The following SYTL1 variants were observed in gnomAD, a reference collection of about 807,000 sequenced individuals.
The protein encoded by SYTL1 is synaptotagmin-like protein 1.
In SYTL1, 53 loss-of-function variants were observed where a neutral mutation model predicts 74.6. The ratio of observed to expected loss-of-function variants is 0.71; its 90% CI spans 0.57 to 0.89. SYTL1 has a LOEUF of 0.89. Among genes scored for constraint, SYTL1 ranks in the 40% least tolerant of loss-of-function variants. The pLI is 0.00. For missense variants in SYTL1, 728 were observed against 768.7 expected (o/e 0.95, Z 0.63); for synonymous variants, 329 against 324.9 (o/e 1.01, Z -0.14).
In SYTL1 at chr1:27,345,439, C is replaced by T. The variant is rs367866959; in HGVS notation, c.105C>T (p.Ser35=). 2.0e-4 allele frequency: 307 copies of T among 1,562,962 alleles called. No individual in the cohort carries two copies. Among genetic ancestry groups the T allele is most frequent in the Non-Finnish European group, 2.6e-4 (294 of 1,152,762 alleles). ...AGACTGAAGGACTGTTGGACCTCAGCTTCCTGACAGAGGAGGAGCAGGAGG... is the reference window on the plus strand; with the variant it reads ...AGACTGAAGGACTGTTGGACCTCAGTTTCCTGACAGAGGAGGAGCAGGAGG... ...KPETEGLLDL[S]FLTEEEQEAI... The change falls in exon 2 of 15, where the codon AGC becomes AGT. Residue 35 remains serine, a synonymous_variant. Transcript: ENST00000616558. This position sits in a 1 kb window ranked among gnomAD's most constrained non-coding sequence, Gnocchi z 6.0.
intron 2 of SYTL1, among the ~76,000 whole-genome samples, chr1:27,346,217 G>A (rs1571031935): frequency 6.6e-6 from 1 of 152,038 alleles, no homozygotes; most frequent in Non-Finnish European, 1.5e-5. Context: ...CCATAACTCC[G>A]ACCCGACACA....
At chr1:27,353,245 G>A in intron 13 of SYTL1, 38 bp from the exon 14 acceptor site, 1 of 1,553,452 alleles carries the variant, frequency 6.4e-7, no homozygotes, top group Non-Finnish European at 8.7e-7. Context: ...TAGGGAGTGT[G>A]AGGGGGGTCA....
rs779779715 is a variant in SYTL1 at position 27,350,841 on chromosome 1, T to G, written c.1053T>G (p.Ser351=). 1.2e-6 allele frequency: 2 copies of G among 1,613,844 alleles called. No homozygotes were observed. The highest frequency in any genetic ancestry group is 1.7e-6 in the Non-Finnish European group (2 of 1,180,014). The stretch of plus-strand genomic sequence containing the variant: ...TTCAGGGCCGCGTGCTGAGCCTGTC[T>G]GTGTGGCACCGCGAAAGCCTGGGTC... The part of the protein sequence containing the change: ...AELQGRVLSL[S]VWHRESLGRN... The change falls in exon 11 of 15, where the codon TCT becomes TCG. Residue 351 remains serine, a synonymous_variant. Coordinates refer to ENST00000616558, the MANE Select transcript of SYTL1 (RefSeq NM_001193308.2). The surrounding 1 kb of genome is among the most constrained non-coding windows in gnomAD (Gnocchi z 6.3).
intron 1 of SYTL1, among the ~76,000 whole-genome samples, chr1:27,344,385 G>A (rs1444409085): frequency 6.6e-6 from 1 of 151,984 alleles, no homozygotes; most frequent in African/African-American, 2.4e-5. Flanking sequence ...TTACAGGGGT[G>A]AGCCACTGTA....
intron 13 of SYTL1, 125 bp from the exon 14 acceptor site, chr1:27,353,158 A>G (rs781628282): frequency 7.1e-6 from 7 of 982,668 alleles, no homozygotes; most frequent in Non-Finnish European, 1.1e-5. Flanking sequence ...GTGAGGGTCT[A>G]AGGCCAGGCA....
chr1:27,353,165 G>A, intron 13 of SYTL1, 118 bp from the exon 14 acceptor site: 1 of 1,055,912 alleles, frequency 9.5e-7, no homozygotes, highest in Middle Eastern at 2.4e-4. Context: ...TCTAAGGCCA[G>A]GCAGGCAGGA....
Position 27,351,444 on chromosome 1 carries a change from G to T in SYTL1, c.1244-12G>T, listed in dbSNP as rs1309263999. On this transcript the variant is annotated splice_polypyrimidine_tract_variant and intron_variant, in intron 12 of 14. Transcript: ENST00000616558. The surrounding 1 kb of genome is among the most constrained non-coding windows in gnomAD (Gnocchi z 5.0). ...CCATCCGTGTGCGGGCCTGAGCCGA[G>T]CCTCTCCGCAGGCGCAGGACTGCCC... 6.6e-7 allele frequency: 1 copy of T among 1,517,720 alleles called. No homozygotes were observed. The highest frequency in any genetic ancestry group is 1.4e-5 in the African/African-American group (1 of 72,198). 94.0% of individuals were successfully genotyped at this position (1,517,720 alleles called of 1,614,324 possible). A position where few individuals can be genotyped will look rare whatever the true frequency, so the allele number is the denominator to read the frequency against.
At chr1:27,349,855 C>A (rs1164258139) in intron 8 of SYTL1, 90 bp downstream of exon 8, 2 of 1,534,260 alleles carry the variant, frequency 1.3e-6, no homozygotes, top group African/African-American at 2.7e-5. Flanking sequence ...CCGCGGGACC[C>A]ACCGCTGCAG....
chr1:27,342,450 C>A lies in SYTL1; in HGVS notation c.-39+300C>A. ...GAGGACGCTGGGCTGATGCCCATGG[C>A]CCAGCTCAGGCAGGCCTGAAGGACA... On this transcript the variant is annotated intron_variant, in intron 1 of 14. Coordinates refer to ENST00000616558, the MANE Select transcript of SYTL1 (RefSeq NM_001193308.2). This position sits in a 1 kb window ranked among gnomAD's most constrained non-coding sequence, Gnocchi z 4.7. 5 of 517,332 alleles carry A rather than the reference C, an allele frequency of 9.7e-6. No homozygotes were observed. Among genetic ancestry groups the A allele is most frequent in the Non-Finnish European group, 1.2e-5 (5 of 402,438 alleles). The allele number at this position is 517,332 out of a possible 1,614,324, so 32.0% of individuals were successfully genotyped here.
chr1:27,353,237 G>T, intron 13 of SYTL1, 46 bp from the exon 14 acceptor site: 1 of 1,539,602 alleles, frequency 6.5e-7, no homozygotes, highest in Non-Finnish European at 8.8e-7. Context: ...GATGACTCTA[G>T]GGAGTGTGAG....
In SYTL1 at chr1:27,353,789, G is replaced by C. The variant is rs776008871; in HGVS notation, c.1626G>C (p.Glu542Asp). Reference sequence around the variant, plus strand: ...AGCAGCTGTGGCAAGCCCTCCTGGAGCAGCCGTGCGAATGGGTGGATGGCC... The same window carrying C: ...AGCAGCTGTGGCAAGCCCTCCTGGACCAGCCGTGCGAATGGGTGGATGGCC... The part of the protein sequence containing the change: ...EEKQLWQALL[E>D]QPCEWVDGLL... Residue 542 changes from glutamate to aspartate, a missense_variant, in exon 15 of 15, where the codon GAG becomes GAC. Glu to Asp is a conservative substitution (Grantham distance 45, BLOSUM62 2). Coordinates refer to ENST00000616558, the MANE Select transcript of SYTL1 (RefSeq NM_001193308.2). 7.7e-5 allele frequency: 125 copies of C among 1,613,978 alleles called. 2 individuals are homozygous for C. In the South Asian group the frequency reaches 1.2e-3, roughly 15 times the overall value.
chr1:27,353,512 C>A, intron 14 of SYTL1, 24 bp downstream of exon 14: 1 of 1,581,642 alleles, frequency 6.3e-7, no homozygotes, highest in Admixed American at 1.8e-5. Context: ...CACCCTGAGA[C>A]AGGCCCTGGG....
chr1:27,342,583 A>T lies in SYTL1; in HGVS notation c.-39+433A>T, dbSNP rs1435836140. Among the ~76,000 whole-genome samples the T allele has an allele frequency of 2.6e-5, 4 of 152,188 alleles. No homozygotes were observed. Reference sequence around the variant, plus strand: ...GGGGACACCCCACAGCACACAGCCCAGTCACACATACAGCACAGGAGGAAA... The same window carrying T: ...GGGGACACCCCACAGCACACAGCCCTGTCACACATACAGCACAGGAGGAAA... On this transcript the variant is annotated intron_variant, in intron 1 of 14. Coordinates refer to ENST00000616558, the MANE Select transcript of SYTL1 (RefSeq NM_001193308.2). The surrounding 1 kb of genome is among the most constrained non-coding windows in gnomAD (Gnocchi z 4.7).
Position 27,351,434 on chromosome 1 carries a change from C to T in SYTL1, c.1244-22C>T, listed in dbSNP as rs1227582705. ...GCGGTGGACTCCATCCGTGTGCGGG[C>T]CTGAGCCGAGCCTCTCCGCAGGCGC... is the stretch of plus-strand genomic sequence containing the variant. On this transcript the variant is annotated intron_variant, in intron 12 of 14. Coordinates refer to ENST00000616558, the MANE Select transcript of SYTL1 (RefSeq NM_001193308.2). The surrounding 1 kb of genome is among the most constrained non-coding windows in gnomAD (Gnocchi z 5.0). 10 of 1,512,954 alleles carry T rather than the reference C, an allele frequency of 6.6e-6. No individual in the cohort carries two copies. In the East Asian group the frequency reaches 2.0e-4, roughly 30 times the overall value. 93.7% of individuals were successfully genotyped at this position (1,512,954 alleles called of 1,614,324 possible).
Position 27,351,272 on chromosome 1 carries a change from C to A in SYTL1, c.1179C>A (p.Pro393=). Residue 393 remains proline, a synonymous_variant, in exon 12 of 15, where the codon CCC becomes CCA. Transcript: ENST00000616558. This position sits in a 1 kb window ranked among gnomAD's most constrained non-coding sequence, Gnocchi z 5.0. The part of the protein sequence containing the change: ...LPLQPRVPPS[P]DDLPSRGLLA... ...GCCTCTCGCAGGTCCCACCCTCTCC[C>A]GACGACCTTCCGAGCCGCGGGTTAC... 6.4e-7 allele frequency: 1 copy of A among 1,559,968 alleles called. No homozygotes were observed. The highest frequency in any genetic ancestry group is 8.7e-7 in the Non-Finnish European group (1 of 1,153,248).
intron 14 of SYTL1, 97 bp downstream of exon 14, chr1:27,353,585 C>G (rs1311754562): frequency 6.5e-7 from 1 of 1,531,668 alleles, no homozygotes; most frequent in Non-Finnish European, 8.9e-7. Context: ...CTTTCCTGAG[C>G]TTTGATATCT....
chr1:27,350,184 A>C lies in SYTL1; in HGVS notation c.908+52A>C. 4 of 1,457,074 alleles carry C rather than the reference A, an allele frequency of 2.7e-6. No homozygotes were observed. The highest frequency in any genetic ancestry group is 3.6e-6 in the Non-Finnish European group (4 of 1,099,122). The allele number at this position is 1,457,074 out of a possible 1,614,324, so 90.3% of individuals were successfully genotyped here. A position where few individuals can be genotyped will look rare whatever the true frequency, so the allele number is the denominator to read the frequency against. ...CGCGGCTGTCACAGCCCAGCCCACC[A>C]TTCACAGGGTCTCGGCCTCCTCGTC... On this transcript the variant is annotated intron_variant, in intron 9 of 14. Coordinates refer to ENST00000616558, the MANE Select transcript of SYTL1 (RefSeq NM_001193308.2). This position sits in a 1 kb window ranked among gnomAD's most constrained non-coding sequence, Gnocchi z 6.3.
intron 1 of SYTL1, chr1:27,344,970 G>A (rs898467555): frequency 5.9e-6 from 1 of 169,100 alleles, no homozygotes; most frequent in African/African-American, 2.4e-5. Flanking sequence ...TTATGCAGGT[G>A]TCTGTGTGCA....
In SYTL1 at chr1:27,351,474, G is replaced by A; in HGVS notation, c.1262G>A (p.Ser421Asn). The change falls in exon 13 of 15, where the codon AGC (serine) becomes AAC (asparagine). Residue 421 changes from serine (S) to asparagine (N), a missense_variant. Ser to Asn is a conservative substitution (Grantham distance 46). Transcript: ENST00000616558. This position sits in a 1 kb window ranked among gnomAD's most constrained non-coding sequence, Gnocchi z 5.0. ...TCCGCAGGCGCAGGACTGCCCCCGA[G>A]CGGGGAGCTGCACTTCTGGGTGAAG... ...AGSEGAGLPP[S>N]GELHFWVKEA... 1 of 1,545,604 alleles carries A rather than the reference G, an allele frequency of 6.5e-7. No individual in the cohort carries two copies. The highest frequency in any genetic ancestry group is 8.7e-7 in the Non-Finnish European group (1 of 1,144,646).
Sources: allele counts gnomAD v4.1 joint callset (sites outside exome capture counted in the v4.1 genomes callset), GRCh38; gene constraint gnomAD v4.1.1; non-coding constraint Gnocchi (gnomAD v3.1); transcripts MANE v1.5; gene names NCBI Gene and HGNC (gene_info 2026-07-23, HGNC 2026-07-21).